RALGAPA1: variants seen among roughly 807,000 people sequenced by gnomAD.
RALGAPA1 encodes Ral GTPase activating protein catalytic subunit alpha 1.
A neutral mutation model predicts 269.6 loss-of-function variants in RALGAPA1; 52 were observed. That is an observed-to-expected ratio of 0.19 (90% CI 0.15 to 0.24). RALGAPA1 has a LOEUF of 0.24. Ranked by LOEUF, RALGAPA1 falls within the 10% of genes least tolerant of loss-of-function variation. The probability of loss-of-function intolerance (pLI) is 1.00; values close to 1 mark genes in which losing one functional copy is unlikely to be tolerated. For synonymous variants in RALGAPA1, 817 were observed against 1,008.3 expected (o/e 0.81, Z 3.60); for missense variants, 1,917 against 3,013.9 (o/e 0.64, Z 8.52).
At chr14:35,586,623 C>T (rs950162874) in intron 37 of RALGAPA1, among the ~76,000 whole-genome samples, 1 of 152,184 alleles carries the variant, frequency 6.6e-6, no homozygotes, top group African/African-American at 2.4e-5. Context: ...AGATAAGTCC[C>T]ATCAATACCT....
chr14:35,703,750 T>C (rs1304703761), intron 16 of RALGAPA1, among the ~76,000 whole-genome samples: 1 of 152,068 alleles, frequency 6.6e-6, no homozygotes, highest in East Asian at 1.9e-4. Context: ...CATAAATCTA[T>C]AATATGCTTA....
chr14:35,645,683 T>A (rs1021516624), intron 31 of RALGAPA1, among the ~76,000 whole-genome samples: 1 of 145,022 alleles, frequency 6.9e-6, no homozygotes, highest in East Asian at 2.0e-4. Flanking sequence ...TGAGCCGAGA[T>A]CGCGCCGGGG....
intron 39 of RALGAPA1, among the ~76,000 whole-genome samples, chr14:35,568,585 G>C (rs749179342): frequency 2.7e-4 from 41 of 152,158 alleles, no homozygotes; most frequent in Non-Finnish European, 1.5e-4. Context: ...TAAGCTGTGA[G>C]TATGGGTTTC....
chr14:35,762,325 A>G (rs896356566), intron 5 of RALGAPA1, among the ~76,000 whole-genome samples: 17 of 151,870 alleles, frequency 1.1e-4, no homozygotes, highest in Non-Finnish European at 2.5e-4. Flanking sequence ...GCTTGATCTC[A>G]GCTCACTGCA....
intron 39 of RALGAPA1, among the ~76,000 whole-genome samples, chr14:35,568,838 C>T (rs1178698089): frequency 1.3e-5 from 2 of 152,196 alleles, no homozygotes; most frequent in Non-Finnish European, 2.9e-5. Flanking sequence ...TAGAAATAAA[C>T]TCGCCATGTC....
chr14:35,775,014 T>C lies in RALGAPA1; in HGVS notation c.259A>G (p.Ile87Val). ...GGTTCAGAAGCACTTACCTCAAAAA[T>C]AAAAAGTATAGCATCCAATTCCTCT... is the stretch of plus-strand genomic sequence containing the variant. ...QREELDAILF[I>V]FEKILQLLPE... Residue 87 changes from isoleucine (I) to valine (V), a missense_variant, in exon 3 of 42, where the codon ATT becomes GTT. Physicochemically the swap from Ile to Val is conservative, Grantham distance 29. Transcript: ENST00000680220. The C allele has an allele frequency of 1.3e-6, 2 of 1,573,506 alleles. No homozygotes were observed. The highest frequency in any genetic ancestry group is 1.7e-6 in the Non-Finnish European group (2 of 1,152,960).
chr14:35,587,770 T>C (rs757207086), intron 37 of RALGAPA1, among the ~76,000 whole-genome samples: 19 of 152,044 alleles, frequency 1.2e-4, no homozygotes, highest in Non-Finnish European at 1.6e-4. Flanking sequence ...CTAATGTAAA[T>C]GATGAGTTGA....
intron 1 of RALGAPA1, among the ~76,000 whole-genome samples, chr14:35,777,307 A>G (rs749262629): frequency 4.6e-5 from 7 of 152,248 alleles, no homozygotes; most frequent in Non-Finnish European, 7.3e-5. Flanking sequence ...TAATAAAAAT[A>G]AACAAGTAGA....
chr14:35,579,409 T>G (rs553900885), intron 37 of RALGAPA1, among the ~76,000 whole-genome samples: 1 of 152,166 alleles, frequency 6.6e-6, no homozygotes, highest in Admixed American at 6.5e-5. Flanking sequence ...GGCGGGCAGA[T>G]CATGAGGTCA....
At chr14:35,727,327 A>ATATAC (rs1356245239) in intron 13 of RALGAPA1, among the ~76,000 whole-genome samples, 93 of 144,656 alleles carry the variant, frequency 6.4e-4, no homozygotes, top group African/African-American at 2.2e-3. Flanking sequence ...ATATATATAT[A>ATATAC]TATATATATA....
intron 35 of RALGAPA1, among the ~76,000 whole-genome samples, chr14:35,619,011 C>A (rs2060435206): frequency 6.6e-6 from 1 of 151,598 alleles, no homozygotes; most frequent in Admixed American, 6.6e-5. Flanking sequence ...AAAACAACAG[C>A]ATAATTTTAA....
At chr14:35,765,311 T>A (rs2074056072) in intron 4 of RALGAPA1, among the ~76,000 whole-genome samples, 1 of 152,174 alleles carries the variant, frequency 6.6e-6, no homozygotes, top group Admixed American at 6.5e-5. Flanking sequence ...TCTTCCAAAT[T>A]GCTTTGGCTT....
chr14:35,742,600 T>C lies in RALGAPA1; in HGVS notation c.1252-35A>G, dbSNP rs572956689. ...AAAAGGAGAATCAAGATAATGATAC[T>C]TTTTCCTTTGCCACAAACCACTAAC... On this transcript the variant is annotated intron_variant, in intron 10 of 41. Coordinates refer to ENST00000680220, the MANE Select transcript of RALGAPA1 (RefSeq NM_001346249.2). 4 of 1,481,970 alleles carry C rather than the reference T, an allele frequency of 2.7e-6. No individual in the cohort carries two copies. In the African/African-American group the frequency reaches 4.2e-5, roughly 15 times the overall value. 91.8% of individuals were successfully genotyped at this position (1,481,970 alleles called of 1,614,324 possible).
At chr14:35,645,348 T>G (rs899460578) in intron 31 of RALGAPA1, among the ~76,000 whole-genome samples, 12 of 59,574 alleles carry the variant, frequency 2.0e-4, no homozygotes, top group African/African-American at 3.0e-4. Flanking sequence ...TAGAGATGGG[T>G]GTGTGTGTGT....
At chr14:35,784,232 T>C (rs1338282495) in intron 1 of RALGAPA1, among the ~76,000 whole-genome samples, 2 of 152,138 alleles carry the variant, frequency 1.3e-5, no homozygotes, top group Non-Finnish European at 2.9e-5. Flanking sequence ...TGTCCATCAA[T>C]TGATGAATGG....
intron 16 of RALGAPA1, chr14:35,715,667 T>C (rs2068749787): frequency 1.0e-6 from 1 of 953,998 alleles, no homozygotes. Context: ...CCAGAGGTAA[T>C]TTGTGTTTGC....
chr14:35,589,050 G>A (rs1003181786), intron 37 of RALGAPA1, among the ~76,000 whole-genome samples: 1 of 152,162 alleles, frequency 6.6e-6, no homozygotes, highest in African/African-American at 2.4e-5. Flanking sequence ...ATCTAAAAAA[G>A]TTGAATTCAT....
intron 12 of RALGAPA1, among the ~76,000 whole-genome samples, chr14:35,737,950 T>C (rs1567124620): frequency 6.6e-6 from 1 of 150,612 alleles, no homozygotes. Context: ...TAGCTGAGCA[T>C]AGTGGCACGC....
chr14:35,690,292 T>C (rs1275652320), intron 17 of RALGAPA1, among the ~76,000 whole-genome samples: 3 of 152,196 alleles, frequency 2.0e-5, no homozygotes, highest in Non-Finnish European at 4.4e-5. Context: ...CAGATAAAGA[T>C]AGAGCTGTGC....
Sources: gnomAD v4.1 joint callset for allele counts (sites outside exome capture counted in the v4.1 genomes callset) on GRCh38, gnomAD v4.1.1 for gene constraint, MANE v1.5 for transcripts, NCBI Gene and HGNC (gene_info 2026-07-23, HGNC 2026-07-21) for gene names.